Variants in MYLK4 observed in about 807,000 individuals in gnomAD.
MYLK4 encodes myosin light chain kinase family member 4.
A neutral mutation model predicts 48.1 loss-of-function variants in MYLK4; 46 were observed. The ratio of observed to expected loss-of-function variants is 0.96; its 90% CI spans 0.75 to 1.22. The LOEUF is 1.22. Among genes scored for constraint, MYLK4 ranks in the 50% most tolerant of loss-of-function variants. The pLI is 0.00. For missense variants in MYLK4, 451 were observed against 486.1 expected, an observed-to-expected ratio of 0.93 and a Z score of 0.68; for synonymous variants, 170 against 180.8, an observed-to-expected ratio of 0.94 and a Z score of 0.48.
the MYLK4 span, chr6:2,765,836 C>G: frequency 7.2e-7 from 1 of 1,379,876 alleles, no homozygotes; most frequent in Non-Finnish European, 9.4e-7. Flanking sequence ...CGCCAAGAGG[C>G]GGCGGCTGTC....
chr6:2,768,364 C>G, the MYLK4 span, among the ~76,000 whole-genome samples: 1 of 152,166 alleles, frequency 6.6e-6, no homozygotes, highest in Non-Finnish European at 1.5e-5. Flanking sequence ...AGCTGTCACT[C>G]TGCTAAATCA....
intron 12 of MYLK4, among the ~76,000 whole-genome samples, chr6:2,670,847 GTC>G (rs987081432): frequency 6.6e-6 from 1 of 152,106 alleles, no homozygotes; most frequent in Non-Finnish European, 1.5e-5. Context: ...CCGTGGGGGT[GTC>G]TCTGAGTCTC....
At chr6:2,675,213 C>T (rs1761041302) in intron 10 of MYLK4, 88 bp from the exon 11 acceptor site, 16 of 942,528 alleles carry the variant, frequency 1.7e-5, no homozygotes, top group East Asian at 4.8e-5. Context: ...CTTCTGCCTT[C>T]GGGAGACCAG....
intron 2 of MYLK4, among the ~76,000 whole-genome samples, chr6:2,725,328 T>C (rs1398777738): frequency 2.0e-5 from 3 of 152,072 alleles, no homozygotes; most frequent in Non-Finnish European, 2.9e-5. Context: ...AGGCATGGCA[T>C]GGTGGTACAC....
rs10498657 is a variant in MYLK4 at position 2,685,670 on chromosome 6, T to G, written c.342-94A>C. On this transcript the variant is annotated intron_variant, in intron 4 of 12. Coordinates refer to ENST00000274643, the MANE Select transcript of MYLK4 (RefSeq NM_001012418.5). The surrounding 1 kb of genome is among the most constrained non-coding windows in gnomAD (Gnocchi z 4.5). ...GCCCCAGTATTTCTCCTGCTGAGTC[T>G]GGATGAGCAGCCCTCTGAGGAGTTC... 3.6e-6 allele frequency: 4 copies of G among 1,108,802 alleles called. No homozygotes were observed. Among genetic ancestry groups the G allele is most frequent in the Middle Eastern group, 4.5e-4 (2 of 4,432 alleles). The allele number at this position is 1,108,802 out of a possible 1,614,324, so 68.7% of individuals were successfully genotyped here.
At position 2,705,421 on chromosome 6, in the gene MYLK4, G is replaced by A. The variant is rs553300718; in HGVS notation, c.160-12562C>T. 7.2e-5 allele frequency among the ~76,000 whole-genome samples: 11 copies of A among 152,316 alleles called. No homozygotes were observed. In the South Asian group the frequency reaches 2.3e-3, roughly 32 times the overall value. ...GAGGTAGTAATGAGTGAAGCGGGATGGGGGTATACAGAGTCTGAGTTTGTA... is the reference window on the plus strand; with the variant it reads ...GAGGTAGTAATGAGTGAAGCGGGATAGGGGTATACAGAGTCTGAGTTTGTA... On this transcript the variant is annotated intron_variant, in intron 2 of 12. Transcript: ENST00000274643.
the MYLK4 span, among the ~76,000 whole-genome samples, chr6:2,766,741 C>T: frequency 1.3e-5 from 2 of 152,190 alleles, no homozygotes; most frequent in Non-Finnish European, 2.9e-5. Context: ...CTGCCTTTAT[C>T]TTCCATCGGT....
chr6:2,763,122 G>A, the MYLK4 span, among the ~76,000 whole-genome samples: 1 of 152,106 alleles, frequency 6.6e-6, no homozygotes, highest in African/African-American at 2.4e-5. Flanking sequence ...GTTTTACGGA[G>A]AGCTGATTGG....
the MYLK4 span, chr6:2,769,968 G>A: frequency 9.0e-7 from 1 of 1,114,304 alleles, no homozygotes. Flanking sequence ...CCCAAATATT[G>A]CATCTATATT....
intron 2 of MYLK4, among the ~76,000 whole-genome samples, chr6:2,708,829 A>G (rs1036507958): frequency 5.3e-5 from 8 of 152,188 alleles, no homozygotes; most frequent in African/African-American, 1.7e-4. Context: ...CCTTGAACAC[A>G]GTATCTGATT....
At chr6:2,724,471 G>A (rs948668215) in intron 2 of MYLK4, among the ~76,000 whole-genome samples, 7 of 152,148 alleles carry the variant, frequency 4.6e-5, no homozygotes, top group Admixed American at 1.3e-4. Context: ...GGGACCTTTC[G>A]TCACTTGGTG....
At chr6:2,707,298 A>G (rs1762527571) in intron 2 of MYLK4, among the ~76,000 whole-genome samples, 1 of 152,228 alleles carries the variant, frequency 6.6e-6, no homozygotes, top group African/African-American at 2.4e-5. Context: ...GTATAAATAT[A>G]CTTGAATTTC....
At chr6:2,693,851 G>A (rs561319209) in intron 2 of MYLK4, among the ~76,000 whole-genome samples, 2 of 151,324 alleles carry the variant, frequency 1.3e-5, no homozygotes, top group Non-Finnish European at 2.9e-5. Flanking sequence ...TCCAACTCCC[G>A]GGTTCAGGCG....
intron 2 of MYLK4, among the ~76,000 whole-genome samples, chr6:2,721,176 CATAA>C: frequency 6.6e-6 from 1 of 152,068 alleles, no homozygotes; most frequent in African/African-American, 2.4e-5. Flanking sequence ...TAAATAAATA[CATAA>C]ATAAATAAAC....
At chr6:2,737,878 T>G (rs1348646983) in intron 2 of MYLK4, among the ~76,000 whole-genome samples, 2 of 144,078 alleles carry the variant, frequency 1.4e-5, no homozygotes, top group Admixed American at 7.2e-5. Flanking sequence ...GTAGTAAGAG[T>G]GTATTGTTTT....
At chr6:2,679,827 TAA>T (rs1198377089) in intron 8 of MYLK4, among the ~76,000 whole-genome samples, 1 of 152,252 alleles carries the variant, frequency 6.6e-6, no homozygotes, top group African/African-American at 2.4e-5. Flanking sequence ...TGTGTCCACG[TAA>T]ACTCTTTGTT....
At chr6:2,746,286 AAAAGAAAG>A (rs1340700265) in intron 2 of MYLK4, among the ~76,000 whole-genome samples, 5 of 137,730 alleles carry the variant, frequency 3.6e-5, no homozygotes, top group African/African-American at 7.5e-5. Flanking sequence ...AAAAAAGAAA[AAAAGAAAG>A]AAAGAAAAAT....
intron 4 of MYLK4, among the ~76,000 whole-genome samples, chr6:2,687,952 C>CG (rs551525176): frequency 6.6e-6 from 1 of 152,176 alleles, no homozygotes; most frequent in South Asian, 2.1e-4. Context: ...CAAGATATCA[C>CG]GGGGGGTTGT....
chr6:2,694,562 GGTA>G (rs1761975200), intron 2 of MYLK4, among the ~76,000 whole-genome samples: 5 of 140,082 alleles, frequency 3.6e-5, no homozygotes, highest in Admixed American at 1.5e-4. Flanking sequence ...TAGTCGTGGT[GGTA>G]GTGGTAGTGC....
Sources: gnomAD v4.1 joint callset for allele counts (sites outside exome capture counted in the v4.1 genomes callset) on GRCh38, gnomAD v4.1.1 for gene constraint, Gnocchi (gnomAD v3.1) non-coding constraint, MANE v1.5 for transcripts, NCBI Gene and HGNC (gene_info 2026-07-23, HGNC 2026-07-21) for gene names.